The following IGFL2 variants were observed in gnomAD, a reference collection of about 807,000 sequenced individuals.
IGFL2 encodes IGF like family member 2.
In IGFL2, 7 loss-of-function variants were observed where a neutral mutation model predicts 13.9. That is an observed-to-expected ratio of 0.51 (90% confidence interval 0.29 to 0.95). The LOEUF (loss-of-function observed/expected upper bound fraction) is 0.95. Ranked by LOEUF, IGFL2 falls within the 40% of genes least tolerant of loss-of-function variation. IGFL2 has a pLI of 0.08. For missense variants in IGFL2, 138 were observed against 147.8 expected (o/e 0.93, Z 0.34); for synonymous variants, 55 against 55.8 (o/e 0.99, Z 0.07).
chr19:46,103,241 A>T, the IGFL2 span, among the ~76,000 whole-genome samples: 6 of 152,266 alleles, frequency 3.9e-5, no homozygotes, highest in East Asian at 9.6e-4. Context: ...CTCTTCTTTT[A>T]AAAAATATAC....
At chr19:46,090,175 T>C in the IGFL2 span, among the ~76,000 whole-genome samples, 31 of 152,218 alleles carry the variant, frequency 2.0e-4, no homozygotes, top group African/African-American at 7.0e-4. Flanking sequence ...ATTGTATTTT[T>C]CAGCTCTGGG....
At chr19:46,214,051 C>G in the IGFL2 span, 1 of 152,572 alleles carries the variant, frequency 6.6e-6, no homozygotes, top group Non-Finnish European at 1.5e-5. Flanking sequence ...TTCTGAAACC[C>G]GGAATCCTCA....
intron 1 of IGFL2, among the ~76,000 whole-genome samples, chr19:46,152,202 C>G (rs10407099): frequency 0.026 from 3,942 of 149,380 alleles, 172 homozygotes; most frequent in African/African-American, 0.09. Flanking sequence ...ATATGTTGAT[C>G]TCTTTTATCT....
At chr19:46,080,321 G>C in the IGFL2 span, among the ~76,000 whole-genome samples, 4 of 152,056 alleles carry the variant, frequency 2.6e-5, no homozygotes, top group Non-Finnish European at 5.9e-5. Flanking sequence ...ATCACTTGAG[G>C]CCAGGAGTTT....
chr19:46,124,561 T>C, the IGFL2 span: 2 of 1,444,424 alleles, frequency 1.4e-6, 1 homozygote, highest in East Asian at 4.6e-5. Context: ...ATAAATCGGG[T>C]TGAGGTTTGG....
chr19:46,173,976 T>C, the IGFL2 span: 2 of 152,224 alleles, frequency 1.3e-5, no homozygotes, highest in Non-Finnish European at 2.9e-5. Flanking sequence ...AAGATGGAGC[T>C]GGGGTAAAGT....
At chr19:46,132,144 A>G in the IGFL2 span, among the ~76,000 whole-genome samples, 1 of 152,220 alleles carries the variant, frequency 6.6e-6, no homozygotes, top group Admixed American at 6.5e-5. Context: ...ACACACACAC[A>G]GAGAAAGTCC....
At chr19:46,128,014 G>A in the IGFL2 span, among the ~76,000 whole-genome samples, 23 of 152,016 alleles carry the variant, frequency 1.5e-4, no homozygotes, top group Non-Finnish European at 2.2e-4. Flanking sequence ...GCATTATTTT[G>A]TAGTTCTCCT....
chr19:46,194,846 A>G, the IGFL2 span, among the ~76,000 whole-genome samples: 1 of 34,888 alleles, frequency 2.9e-5, no homozygotes, highest in African/African-American at 9.0e-5. Flanking sequence ...ATATATATAT[A>G]TATATATTTT....
the IGFL2 span, among the ~76,000 whole-genome samples, chr19:46,191,675 C>T: frequency 1.4e-4 from 21 of 152,152 alleles, no homozygotes; most frequent in Non-Finnish European, 2.8e-4. Flanking sequence ...TTTGGAGAGC[C>T]GCAGGTCATC....
At chr19:46,209,081 G>A in the IGFL2 span, 1 of 148,096 alleles carries the variant, frequency 6.8e-6, no homozygotes, top group Non-Finnish European at 1.5e-5. Flanking sequence ...GTTTTTGGAG[G>A]GGTCTGTGTC....
intron 1 of IGFL2, chr19:46,149,175 CTTCT>C (rs751855540): frequency 3.5e-6 from 2 of 564,682 alleles, no homozygotes; most frequent in Non-Finnish European, 3.3e-6. Context: ...CTCTCTCTCT[CTTCT>C]CTCTCTCTTT....
the IGFL2 span, chr19:46,173,910 T>C: frequency 1.3e-5 from 2 of 152,370 alleles, no homozygotes; most frequent in Admixed American, 1.3e-4. Flanking sequence ...TATGCAATTA[T>C]TGATCTGGCA....
chr19:46,082,909 G>C, the IGFL2 span, among the ~76,000 whole-genome samples: 1 of 152,120 alleles, frequency 6.6e-6, no homozygotes, highest in Non-Finnish European at 1.5e-5. Flanking sequence ...GGATGGCTAA[G>C]AAGGACTTGC....
chr19:46,090,167 T>A, the IGFL2 span, among the ~76,000 whole-genome samples: 2 of 152,228 alleles, frequency 1.3e-5, no homozygotes, highest in Non-Finnish European at 2.9e-5. Context: ...TTTTGTTCAT[T>A]GTATTTTTCA....
At chr19:46,136,449 TAAC>T in the IGFL2 span, among the ~76,000 whole-genome samples, 2 of 151,926 alleles carry the variant, frequency 1.3e-5, no homozygotes, top group Non-Finnish European at 2.9e-5. Flanking sequence ...TGTAAAAAAA[TAAC>T]AAGAAAGGAG....
the IGFL2 span, among the ~76,000 whole-genome samples, chr19:46,084,404 A>G: frequency 6.6e-6 from 1 of 152,302 alleles, no homozygotes; most frequent in Admixed American, 6.5e-5. Context: ...GAAGTCCCCT[A>G]CTATTACTGC....
chr19:46,208,068 C>T, the IGFL2 span: 1 of 152,216 alleles, frequency 6.6e-6, no homozygotes, highest in Non-Finnish European at 1.5e-5. Flanking sequence ...GCCAGTTCGA[C>T]AAAGCAGGTT....
At chr19:46,202,762 TAAGG>T in the IGFL2 span, 5 of 151,994 alleles carry the variant, frequency 3.3e-5, no homozygotes, top group Non-Finnish European at 5.9e-5. Flanking sequence ...GAACCAAAAT[TAAGG>T]GAGGGAGAGA....
Sources: gnomAD v4.1 joint callset for allele counts (sites outside exome capture counted in the v4.1 genomes callset) on GRCh38, gnomAD v4.1.1 for gene constraint, MANE v1.5 for transcripts, NCBI Gene and HGNC (gene_info 2026-07-23, HGNC 2026-07-21) for gene names.